Variants in TEX11 observed in about 807,000 individuals in gnomAD.
TEX11 encodes testis expressed 11.
A neutral mutation model predicts 84.4 loss-of-function variants in TEX11; 7 were observed. The observed-to-expected ratio is 0.08, with a 90% CI of 0.05 to 0.16. TEX11 has a LOEUF of 0.16. Ranked by LOEUF, TEX11 falls within the 10% of genes least tolerant of loss-of-function variation. The pLI is 1.00. For missense variants in TEX11, 551 were observed against 660.5 expected (o/e 0.83, Z 1.82); for synonymous variants, 264 against 222.8 (o/e 1.18, Z -1.64).
At chrX:70,599,620 C>T (rs1272452848) in intron 24 of TEX11, among the ~76,000 whole-genome samples, 1 of 108,066 alleles carries the variant, frequency 9.3e-6, no homozygotes. Context: ...GCTGCACCCA[C>T]TAACTCGTCA....
At chrX:70,850,370 C>T (rs1476222133) in intron 7 of TEX11, among the ~76,000 whole-genome samples, 2 of 111,473 alleles carry the variant, frequency 1.8e-5, no homozygotes, top group Admixed American at 9.6e-5. Flanking sequence ...TATCTATTAA[C>T]ATAGCCTAGG....
At chrX:70,802,986 C>T (rs952772462) in intron 9 of TEX11, among the ~76,000 whole-genome samples, 3 of 111,215 alleles carry the variant, frequency 2.7e-5, no homozygotes, top group Admixed American at 1.9e-4. Context: ...CAATGGAGGC[C>T]ACTAACAAGT....
intron 23 of TEX11, 40 bp downstream of exon 23, chrX:70,606,919 T>A (rs760929206): frequency 1.1e-6 from 1 of 935,330 alleles, no homozygotes; most frequent in African/African-American, 2.0e-5. Context: ...TATAGCCTTG[T>A]TGTGGTCCAT....
chrX:70,693,181 C>T (rs2147671712), intron 13 of TEX11, among the ~76,000 whole-genome samples: 1 of 111,207 alleles, frequency 9.0e-6, no homozygotes, highest in East Asian at 2.8e-4. Context: ...AAGGAGATTG[C>T]AGTGAGCAGA....
rs750115952 is a variant in TEX11, at chrX:70,535,749, A to G, written c.2521-5750T>C. Among the ~76,000 whole-genome samples, 163 of 109,955 alleles carry G rather than the reference A, an allele frequency of 1.5e-3. 1 individual carries two copies. The highest frequency in any genetic ancestry group is 5.3e-3 in the African/African-American group (160 of 30,233). On this transcript the variant is annotated intron_variant, in intron 28 of 29. Coordinates refer to ENST00000374333, the MANE Select transcript of TEX11 (RefSeq NM_031276.3). ...GGTGACGGAGTGAAACTCCATTTCA[A>G]AAAAAAACCCACAAAACTTATGGGT...
At chrX:70,690,716 T>A (rs1057332252) in intron 13 of TEX11, among the ~76,000 whole-genome samples, 2 of 111,147 alleles carry the variant, frequency 1.8e-5, no homozygotes. Context: ...TAAATATTTT[T>A]AAAAAGGTTT....
intron 13 of TEX11, among the ~76,000 whole-genome samples, chrX:70,704,360 G>A (rs2090351795): frequency 1.8e-5 from 2 of 111,040 alleles, no homozygotes; most frequent in Admixed American, 1.9e-4. Flanking sequence ...TGTGGAAGAT[G>A]CTAATAGTAC....
At chrX:70,694,240 T>C (rs762769579) in intron 13 of TEX11, among the ~76,000 whole-genome samples, 1 of 111,209 alleles carries the variant, frequency 9.0e-6, no homozygotes, top group South Asian at 3.8e-4. Context: ...AGACGAGGTT[T>C]CACCACGTTG....
chrX:70,813,727 A>G (rs1393233822), intron 8 of TEX11, among the ~76,000 whole-genome samples: 2 of 111,999 alleles, frequency 1.8e-5, no homozygotes, highest in Non-Finnish European at 3.8e-5. Context: ...AATCTCCTTA[A>G]GCTGATAAGC....
At chrX:70,791,951 C>T (rs368686293) in intron 9 of TEX11, among the ~76,000 whole-genome samples, 1 of 108,768 alleles carries the variant, frequency 9.2e-6, no homozygotes, top group Non-Finnish European at 1.9e-5. Context: ...CATGAAGAAA[C>T]TCCGTCTCTA....
intron 25 of TEX11, among the ~76,000 whole-genome samples, chrX:70,580,445 A>G (rs1161862865): frequency 2.7e-5 from 3 of 112,331 alleles, no homozygotes; most frequent in African/African-American, 9.7e-5. Context: ...AAAAGAGTAT[A>G]ATTGGATTGT....
At chrX:70,631,227 G>C (rs981332678) in intron 17 of TEX11, among the ~76,000 whole-genome samples, 5 of 111,378 alleles carry the variant, frequency 4.5e-5, no homozygotes, top group Non-Finnish European at 7.5e-5. Context: ...TATTTACCAA[G>C]AAAAACAATA....
chrX:70,733,725 C>T (rs1172929781), intron 11 of TEX11, among the ~76,000 whole-genome samples: 1 of 111,616 alleles, frequency 9.0e-6, no homozygotes, highest in Non-Finnish European at 1.9e-5. Context: ...ACTAGTTCAA[C>T]CATTGTGGAA....
intron 16 of TEX11, among the ~76,000 whole-genome samples, chrX:70,657,860 A>G (rs1369467921): frequency 1.1e-5 from 1 of 89,119 alleles, no homozygotes; most frequent in Non-Finnish European, 2.2e-5. Flanking sequence ...TCACTCATAG[A>G]TGGGAATTGA....
intron 10 of TEX11, among the ~76,000 whole-genome samples, chrX:70,741,996 T>C (rs1385907042): frequency 8.9e-6 from 1 of 111,755 alleles, no homozygotes; most frequent in East Asian, 2.8e-4. Flanking sequence ...AGTATAAAAA[T>C]CTCAAGAGCT....
At chrX:70,725,187 C>T (rs183601304) in intron 12 of TEX11, 75 bp downstream of exon 12, 1 of 695,187 alleles carries the variant, frequency 1.4e-6, no homozygotes, top group African/African-American at 2.2e-5. Context: ...TGTTAGTATA[C>T]TACAAAAGAT....
At chrX:70,684,090 A>G (rs1418921719) in intron 13 of TEX11, among the ~76,000 whole-genome samples, 1 of 111,658 alleles carries the variant, frequency 9.0e-6, no homozygotes, top group Non-Finnish European at 1.9e-5. Context: ...AGAGCTAAAA[A>G]ACTGTTTCCA....
At chrX:70,728,027 C>T (rs1454048531) in intron 11 of TEX11, among the ~76,000 whole-genome samples, 4 of 112,710 alleles carry the variant, frequency 3.5e-5, no homozygotes, top group African/African-American at 9.7e-5. Flanking sequence ...TATCTAAGTT[C>T]TTCTGTGATT....
chrX:70,827,891 C>G (rs779747702), intron 8 of TEX11, among the ~76,000 whole-genome samples: 91 of 111,526 alleles, frequency 8.2e-4, no homozygotes, highest in Non-Finnish European at 1.5e-3. Flanking sequence ...AGGCCCAGTG[C>G]TTGCATCACC....
Sources: allele counts gnomAD v4.1 joint callset (sites outside exome capture counted in the v4.1 genomes callset), GRCh38; gene constraint gnomAD v4.1.1; transcripts MANE v1.5; gene names NCBI Gene and HGNC (gene_info 2026-07-23, HGNC 2026-07-21).